The following SEMA6D variants were observed in gnomAD, a reference collection of about 807,000 sequenced individuals.
SEMA6D encodes the protein semaphorin 6D.
A neutral mutation model predicts 106.6 loss-of-function variants in SEMA6D; 35 were observed. The observed-to-expected ratio is 0.33, with a 90% CI of 0.25 to 0.44. The LOEUF (loss-of-function observed/expected upper bound fraction) is 0.44. Ranked by LOEUF, SEMA6D falls within the 20% of genes least tolerant of loss-of-function variation. The probability of loss-of-function intolerance (pLI) is 1.00; values close to 1 mark genes in which losing one functional copy is unlikely to be tolerated. For synonymous variants in SEMA6D, 499 were observed against 487.7 expected (o/e 1.02, Z -0.31); for missense variants, 1,185 against 1,345.9 (o/e 0.88, Z 1.87).
chr15:47,607,520 A>T (rs1257530774), intron 4 of SEMA6D, among the ~76,000 whole-genome samples: 1 of 152,224 alleles, frequency 6.6e-6, no homozygotes, highest in African/African-American at 2.4e-5. Flanking sequence ...ACTCTAAGTA[A>T]ATATCTACTT....
At chr15:47,766,834 A>G (rs2082367942) in intron 16 of SEMA6D, among the ~76,000 whole-genome samples, 157 bp downstream of exon 16, 1 of 152,184 alleles carries the variant, frequency 6.6e-6, no homozygotes, top group African/African-American at 2.4e-5. Flanking sequence ...TCATGGGGAT[A>G]CATTAGAAAA....
intron 1 of SEMA6D, among the ~76,000 whole-genome samples, chr15:47,288,301 G>A (rs552144133): frequency 5.3e-5 from 8 of 152,230 alleles, no homozygotes; most frequent in South Asian, 2.1e-4. Flanking sequence ...TTAATGCACC[G>A]TCAACATTTC....
chr15:47,247,168 G>T (rs1218873629), intron 1 of SEMA6D, among the ~76,000 whole-genome samples: 1 of 152,112 alleles, frequency 6.6e-6, no homozygotes, highest in Non-Finnish European at 1.5e-5. Flanking sequence ...TAGGTCAAGG[G>T]CTGTTAGACC....
chr15:47,357,916 G>T (rs1262402637), intron 1 of SEMA6D, among the ~76,000 whole-genome samples: 3 of 152,188 alleles, frequency 2.0e-5, no homozygotes. Flanking sequence ...ACATGGAGGT[G>T]ATTTTGGTGG....
At chr15:47,516,995 G>T (rs1190766246) in intron 3 of SEMA6D, among the ~76,000 whole-genome samples, 1 of 152,172 alleles carries the variant, frequency 6.6e-6, no homozygotes, top group Non-Finnish European at 1.5e-5. Context: ...TGAGTGCAGA[G>T]AGCTGCTTTC....
chr15:47,627,850 C>A (rs2077229484), intron 4 of SEMA6D, among the ~76,000 whole-genome samples: 3 of 152,102 alleles, frequency 2.0e-5, no homozygotes. Context: ...AACCCTCCCT[C>A]CCTGACCACT....
chr15:47,546,281 A>T (rs2045519625), intron 3 of SEMA6D, among the ~76,000 whole-genome samples: 1 of 152,138 alleles, frequency 6.6e-6, no homozygotes, highest in African/African-American at 2.4e-5. Context: ...GACATACCCC[A>T]TTTTATCCTT....
At chr15:47,270,960 A>T (rs2142259617) in intron 1 of SEMA6D, among the ~76,000 whole-genome samples, 1 of 152,330 alleles carries the variant, frequency 6.6e-6, no homozygotes, top group East Asian at 1.9e-4. Context: ...AAAAATATAG[A>T]TATAACAAAG....
At position 47,542,590 on chromosome 15, in the gene SEMA6D, C is replaced by T. The variant is rs180808586; in HGVS notation, c.-86-58275C>T. On this transcript the variant is annotated intron_variant, in intron 3 of 19. Coordinates refer to the SEMA6D transcript ENST00000558014. ...TTACCAAGCTAGAGGTTTCAGTATT[C>T]CTACTTTGCTTCCCTATCCATTCCT... Among the ~76,000 whole-genome samples, 54 of 152,280 alleles carry T rather than the reference C, an allele frequency of 3.5e-4. 1 individual carries two copies. Among genetic ancestry groups the T allele is most frequent in the African/African-American group, 1.3e-3 (53 of 41,566 alleles).
At chr15:47,359,165 T>C (rs4774495) in intron 1 of SEMA6D, among the ~76,000 whole-genome samples, 21,411 of 152,144 alleles carry the variant, frequency 0.14, 1,627 homozygotes, top group Admixed American at 0.18. Flanking sequence ...TGTGTGTGTA[T>C]ATATTTCTGT....
chr15:47,499,938 A>G (rs1249267493), intron 3 of SEMA6D, among the ~76,000 whole-genome samples: 1 of 152,028 alleles, frequency 6.6e-6, no homozygotes, highest in Non-Finnish European at 1.5e-5. Context: ...GGTTCTTGAC[A>G]TTATCATGGC....
intron 4 of SEMA6D, among the ~76,000 whole-genome samples, chr15:47,675,774 C>T (rs79207249): frequency 0.028 from 4,250 of 152,324 alleles, 87 homozygotes; most frequent in Middle Eastern, 0.078. Flanking sequence ...GCACTGGCTT[C>T]TGTGGTGGTT....
At chr15:47,647,060 G>A (rs959761704) in intron 4 of SEMA6D, among the ~76,000 whole-genome samples, 44 of 152,112 alleles carry the variant, frequency 2.9e-4, no homozygotes, top group African/African-American at 1.0e-3. Context: ...CATCACTGCT[G>A]ATTCAAAGAC....
intron 1 of SEMA6D, among the ~76,000 whole-genome samples, chr15:47,297,082 A>G (rs533031372): frequency 5.3e-5 from 8 of 152,310 alleles, no homozygotes; most frequent in African/African-American, 1.9e-4. Context: ...AGGGCACACA[A>G]ACCGCAGCCA....
intron 1 of SEMA6D, among the ~76,000 whole-genome samples, chr15:47,311,795 C>G (rs1229153756): frequency 6.6e-6 from 1 of 152,182 alleles, no homozygotes; most frequent in Non-Finnish European, 1.5e-5. Flanking sequence ...TGGGAAATCT[C>G]TTTCGGTGAG....
At chr15:47,611,158 C>CAT (rs2076894933) in intron 4 of SEMA6D, among the ~76,000 whole-genome samples, 1 of 145,434 alleles carries the variant, frequency 6.9e-6, no homozygotes, top group African/African-American at 2.6e-5. Context: ...TACACACACA[C>CAT]ACACACACAC....
intron 3 of SEMA6D, among the ~76,000 whole-genome samples, chr15:47,575,016 G>A (rs1328978277): frequency 6.6e-6 from 1 of 152,172 alleles, no homozygotes; most frequent in Non-Finnish European, 1.5e-5. Flanking sequence ...ATGCCACAGT[G>A]TTTACAAAAT....
intron 4 of SEMA6D, among the ~76,000 whole-genome samples, chr15:47,646,082 G>A (rs1376460747): frequency 6.6e-6 from 1 of 151,994 alleles, no homozygotes; most frequent in East Asian, 1.9e-4. Flanking sequence ...TACATCATTG[G>A]CCATTGAGGA....
At chr15:47,619,796 G>C (rs1406188242) in intron 4 of SEMA6D, among the ~76,000 whole-genome samples, 1 of 152,178 alleles carries the variant, frequency 6.6e-6, no homozygotes, top group Non-Finnish European at 1.5e-5. Flanking sequence ...TGATGAAAAT[G>C]AATGGAATTT....
Sources: gnomAD v4.1 joint callset for allele counts (sites outside exome capture counted in the v4.1 genomes callset) on GRCh38, gnomAD v4.1.1 for gene constraint, MANE v1.5 for transcripts, NCBI Gene and HGNC (gene_info 2026-07-23, HGNC 2026-07-21) for gene names.